CASZ1: variants seen among roughly 807,000 people sequenced by gnomAD.
CASZ1 encodes zinc finger protein castor homolog 1.
In CASZ1, 28 loss-of-function variants were observed where a neutral mutation model predicts 135.2. That is an observed-to-expected ratio of 0.21 (90% confidence interval 0.15 to 0.28). CASZ1 has a LOEUF of 0.28. Among genes scored for constraint, CASZ1 ranks in the 10% least tolerant of loss-of-function variants. The pLI is 1.00. For missense variants in CASZ1, 2,161 were observed against 2,453.3 expected (o/e 0.88, Z 2.52); for synonymous variants, 1,068 against 1,073.4 (o/e 0.99, Z 0.10).
At chr1:10,655,380 T>A (rs916036043) in intron 9 of CASZ1, among the ~76,000 whole-genome samples, 1 of 152,260 alleles carries the variant, frequency 6.6e-6, no homozygotes, top group Non-Finnish European at 1.5e-5. Flanking sequence ...AATGTCCATC[T>A]GTATAAACAG....
At position 10,777,679 on chromosome 1, in the gene CASZ1, C is replaced by T. The variant is rs402491; in HGVS notation, c.-233-16822G>A. On this transcript the variant is annotated intron_variant, in intron 1 of 20. Transcript: ENST00000377022. The surrounding 1 kb of genome is among the most constrained non-coding windows in gnomAD (Gnocchi z 4.4). The stretch of plus-strand genomic sequence containing the variant: ...TCACACACAACCACACACCATCTCA[C>T]ACACAATCTCACACACACCATCTCA... Among the ~76,000 whole-genome samples the T allele has an allele frequency of 6.6e-6, 1 of 151,972 alleles. No homozygotes were observed. The highest frequency in any genetic ancestry group is 6.5e-5 in the Admixed American group (1 of 15,276).
In CASZ1 at chr1:10,649,177, G is replaced by C; in HGVS notation, c.3051C>G (p.Asp1017Glu). ...KVYLRRFGTKDFCDGQCDFLH... is the reference protein window; with the variant it reads ...KVYLRRFGTKEFCDGQCDFLH... Reference sequence around the variant, plus strand: ...GGAAGTCACACTGGCCGTCACAGAAGTCCTTTGTACCAAACCTAGCCAGAG... The same window carrying C: ...GGAAGTCACACTGGCCGTCACAGAACTCCTTTGTACCAAACCTAGCCAGAG... Residue 1017 changes from aspartate to glutamate, a missense_variant, in exon 15 of 21, where the codon GAC becomes GAG. Transcript: ENST00000377022. 1 of 1,613,702 alleles carries C rather than the reference G, an allele frequency of 6.2e-7. No individual in the cohort carries two copies. Among genetic ancestry groups the C allele is most frequent in the African/African-American group, 1.3e-5 (1 of 75,072 alleles).
intron 2 of CASZ1, among the ~76,000 whole-genome samples, chr1:10,734,441 T>G (rs1413244016): frequency 6.6e-6 from 1 of 152,110 alleles, no homozygotes; most frequent in Non-Finnish European, 1.5e-5. Context: ...CTGCTAACAG[T>G]AATTATAATA....
chr1:10,650,521 A>C (rs1029375987), intron 13 of CASZ1, 171 bp downstream of exon 13: 35 of 599,462 alleles, frequency 5.8e-5, no homozygotes, highest in Non-Finnish European at 3.0e-6. Context: ...TTAATTTGTA[A>C]GCAGTGGCTC....
At chr1:10,751,671 G>A (rs1240832352) in intron 2 of CASZ1, among the ~76,000 whole-genome samples, 11 of 152,208 alleles carry the variant, frequency 7.2e-5, no homozygotes, top group South Asian at 6.2e-4. Flanking sequence ...CTGAGAGCTC[G>A]GGAAGCGGAA....
At chr1:10,786,616 C>T (rs1053932622) in intron 1 of CASZ1, among the ~76,000 whole-genome samples, 16 of 152,296 alleles carry the variant, frequency 1.1e-4, no homozygotes, top group African/African-American at 3.8e-4. Flanking sequence ...TCACATCAGC[C>T]CCACGAGGTA....
intron 4 of CASZ1, among the ~76,000 whole-genome samples, chr1:10,668,969 G>A (rs371556486): frequency 2.0e-5 from 3 of 152,212 alleles, no homozygotes; most frequent in Non-Finnish European, 2.9e-5. Context: ...GGGCAGGGGC[G>A]GGCTGGCCTC....
At chr1:10,772,070 C>T (rs1239070459) in intron 1 of CASZ1, among the ~76,000 whole-genome samples, 2 of 152,092 alleles carry the variant, frequency 1.3e-5, no homozygotes, top group Admixed American at 6.5e-5. Context: ...CACGTGACAC[C>T]TGGGGGGAGC....
Position 10,659,940 on chromosome 1 carries a change from C to T in CASZ1, c.1102G>A (p.Gly368Ser). The T allele has an allele frequency of 6.2e-7, 1 of 1,612,682 alleles. No individual in the cohort carries two copies. The highest frequency in any genetic ancestry group is 8.5e-7 in the Non-Finnish European group (1 of 1,179,932). The stretch of plus-strand genomic sequence containing the variant: ...TACTTGGAAGGGCGCCCCACCTTGC[C>T]TGTCTTGAAGGCGATGGCCCCGCCC... ...DMGGAIAFKT[G>S]KVGRPSKYDV... The change falls in exon 6 of 21, where the codon GGC becomes AGC. Residue 368 changes from glycine (G) to serine (S), a missense_variant. Gly to Ser is a moderately conservative substitution (Grantham distance 56). Coordinates refer to ENST00000377022, the MANE Select transcript of CASZ1 (RefSeq NM_001079843.3).
intron 17 of CASZ1, 48 bp from the exon 18 acceptor site, chr1:10,645,136 G>A (rs780329056): frequency 6.4e-7 from 1 of 1,558,560 alleles, no homozygotes; most frequent in East Asian, 2.3e-5. Flanking sequence ...ACTTTCAAGA[G>A]CTCCTGCCTG....
At chr1:10,784,463 C>T (rs1477507957) in intron 1 of CASZ1, among the ~76,000 whole-genome samples, 1 of 152,242 alleles carries the variant, frequency 6.6e-6, no homozygotes, top group Non-Finnish European at 1.5e-5. Flanking sequence ...TTAAATGTAA[C>T]TTAAATTGCC....
rs1011825304 is a variant in CASZ1 at position 10,724,343 on chromosome 1, G to C, written c.-76-18799C>G. 1.1e-4 allele frequency among the ~76,000 whole-genome samples: 16 copies of C among 152,216 alleles called. No homozygotes were observed. The highest frequency in any genetic ancestry group is 2.0e-4 in the Admixed American group (3 of 15,280). On this transcript the variant is annotated intron_variant, in intron 2 of 20. Coordinates refer to ENST00000377022, the MANE Select transcript of CASZ1 (RefSeq NM_001079843.3). The surrounding 1 kb of genome is among the most constrained non-coding windows in gnomAD (Gnocchi z 4.1). Reference sequence around the variant, plus strand: ...CAAGTCACTACTAAAATATTTACCAGCCTGGCGAAGTGCCGAAGGTGCTTG... The same window carrying C: ...CAAGTCACTACTAAAATATTTACCACCCTGGCGAAGTGCCGAAGGTGCTTG...
chr1:10,674,236 CG>C (rs1470149380), intron 4 of CASZ1, among the ~76,000 whole-genome samples: 2 of 152,368 alleles, frequency 1.3e-5, no homozygotes, highest in African/African-American at 4.8e-5. Context: ...CTGACTTCCC[CG>C]GAGATGGGAA....
rs1054266544 is a variant in CASZ1 at position 10,717,662 on chromosome 1, AG to A, written c.-76-12119del. Reference sequence around the variant, plus strand: ...AGGACATGGATGGGGGGCAGGGGGCAGGGGACAGGGGCGGAGGTAGAAAACC... The same window carrying A: ...AGGACATGGATGGGGGGCAGGGGGCAGGGACAGGGGCGGAGGTAGAAAACC... On this transcript the variant is annotated intron_variant, in intron 2 of 20. Transcript: ENST00000377022. This position sits in a 1 kb window ranked among gnomAD's most constrained non-coding sequence, Gnocchi z 4.6. Among the ~76,000 whole-genome samples, 1 of 152,030 alleles carries A rather than the reference AG, an allele frequency of 6.6e-6. No homozygotes were observed. Among genetic ancestry groups the A allele is most frequent in the African/African-American group, 2.4e-5 (1 of 41,362 alleles).
At chr1:10,792,334 CCCCCCCGG>C (rs1438211361) in intron 1 of CASZ1, among the ~76,000 whole-genome samples, 3 of 42,122 alleles carry the variant, frequency 7.1e-5, no homozygotes, top group South Asian at 1.7e-3. Context: ...CCCGCCCCCC[CCCCCCCGG>C]CCCCGCACAC....
chr1:10,764,482 A>G (rs911296339), intron 1 of CASZ1, among the ~76,000 whole-genome samples: 17 of 152,268 alleles, frequency 1.1e-4, no homozygotes, highest in African/African-American at 4.1e-4. Flanking sequence ...CCCTACGCAC[A>G]TGATCTAGCC....
At chr1:10,723,284 G>C (rs1211006556) in intron 2 of CASZ1, among the ~76,000 whole-genome samples, 3 of 152,196 alleles carry the variant, frequency 2.0e-5, no homozygotes, top group Non-Finnish European at 4.4e-5. Context: ...ACTGCACAGT[G>C]AGTGGGGGCA....
At chr1:10,753,780 G>A (rs754765493) in intron 2 of CASZ1, among the ~76,000 whole-genome samples, 4 of 152,136 alleles carry the variant, frequency 2.6e-5, no homozygotes, top group Admixed American at 2.6e-4. Context: ...AGGGCGATCC[G>A]GGCACATATG....
rs928205360 is a variant in CASZ1 at position 10,777,590 on chromosome 1, C to T, written c.-233-16733G>A. Among the ~76,000 whole-genome samples the T allele has an allele frequency of 1.3e-4, 20 of 152,018 alleles. No homozygotes were observed. The highest frequency in any genetic ancestry group is 4.8e-4 in the African/African-American group (20 of 41,398). ...GCTACTACAACGAGGGGGAAAGAAG[C>T]GACACACAAAAACACAACCACACAC... On this transcript the variant is annotated intron_variant, in intron 1 of 20. Transcript: ENST00000377022. This position sits in a 1 kb window ranked among gnomAD's most constrained non-coding sequence, Gnocchi z 4.4.
Sources: allele counts gnomAD v4.1 joint callset (sites outside exome capture counted in the v4.1 genomes callset), GRCh38; gene constraint gnomAD v4.1.1; non-coding constraint Gnocchi (gnomAD v3.1); transcripts MANE v1.5; gene names NCBI Gene and HGNC (gene_info 2026-07-23, HGNC 2026-07-21).